Variants in EFCC1 observed in about 807,000 individuals in gnomAD.
EFCC1 encodes EF-hand and coiled-coil domain containing 1.
A neutral mutation model predicts 52.1 loss-of-function variants in EFCC1; 50 were observed. The observed-to-expected ratio is 0.96, with a 90% CI of 0.76 to 1.21. EFCC1 has a LOEUF of 1.21. Among genes scored for constraint, EFCC1 ranks in the 50% most tolerant of loss-of-function variants. The pLI is 0.00. For missense variants in EFCC1, 837 were observed against 867.3 expected (o/e 0.97, Z 0.44); for synonymous variants, 399 against 396.5 (o/e 1.01, Z -0.08).
rs1031255322 is a variant in EFCC1 at position 129,001,342 on chromosome 3, G to T, written c.-287G>T. ...GCCCCGTGAGTGAGGAGAGGAGAGC[G>T]TGGGAGTCACGCGGAGAAGCCAGAC... is the stretch of plus-strand genomic sequence containing the variant. On this transcript the variant is annotated 5_prime_UTR_variant, in exon 1 of 8. Coordinates refer to ENST00000683648, the MANE Select transcript of EFCC1 (RefSeq NM_001377500.1). Among the ~76,000 whole-genome samples, 2 of 152,204 alleles carry T rather than the reference G, an allele frequency of 1.3e-5. No homozygotes were observed. The highest frequency in any genetic ancestry group is 4.1e-4 in the South Asian group (2 of 4,834).
intron 1 of EFCC1, 60 bp downstream of exon 1, chr3:129,002,384 T>C: frequency 6.8e-7 from 1 of 1,477,996 alleles, no homozygotes; most frequent in Non-Finnish European, 8.9e-7. Flanking sequence ...AACTAAAAGC[T>C]GGCTGGCTGC....
Position 129,040,041 on chromosome 3 carries a change from C to A in EFCC1, c.*193C>A, listed in dbSNP as rs555426834. On this transcript the variant is annotated 3_prime_UTR_variant, in exon 8 of 8. Coordinates refer to ENST00000683648, the MANE Select transcript of EFCC1 (RefSeq NM_001377500.1). The surrounding 1 kb of genome is among the most constrained non-coding windows in gnomAD (Gnocchi z 4.4). ...CAGCACCTGGCAGCCACCCCTTCCT[C>A]GGGCTCCTCCACATTACCTCGCAGC... 2 of 623,268 alleles carry A rather than the reference C, an allele frequency of 3.2e-6. No homozygotes were observed. The highest frequency in any genetic ancestry group is 3.3e-5 in the East Asian group (1 of 30,322). 38.6% of individuals were successfully genotyped at this position (623,268 alleles called of 1,614,324 possible). A position where few individuals can be genotyped will look rare whatever the true frequency, so the allele number is the denominator to read the frequency against.
Position 129,022,794 on chromosome 3 carries a change from C to T in EFCC1, c.981-7909C>T, listed in dbSNP as rs192931339. On this transcript the variant is annotated intron_variant, in intron 2 of 7. Transcript: ENST00000683648. ...CTCACAGAAGGCCCCCAGACCATTTCCCCCATGGCTCCCGAAAGACAGTGG... is the reference window on the plus strand; with the variant it reads ...CTCACAGAAGGCCCCCAGACCATTTTCCCCATGGCTCCCGAAAGACAGTGG... Among the ~76,000 whole-genome samples, 46 of 152,326 alleles carry T rather than the reference C, an allele frequency of 3.0e-4. 1 individual carries two copies. The highest frequency in any genetic ancestry group is 9.7e-4 in the East Asian group (5 of 5,180).
In EFCC1 at chr3:129,001,841, C is replaced by G; in HGVS notation, c.213C>G (p.Ala71=). The G allele has an allele frequency of 6.5e-7, 1 of 1,545,720 alleles. No individual in the cohort carries two copies. The highest frequency in any genetic ancestry group is 8.7e-7 in the Non-Finnish European group (1 of 1,145,592). The change falls in exon 1 of 8, where the codon GCC becomes GCG. Residue 71 remains alanine, a synonymous_variant. Coordinates refer to ENST00000683648, the MANE Select transcript of EFCC1 (RefSeq NM_001377500.1). ...TCCACCACCTGGACTGCCGCGGCGC[C>G]GGCCGTCTGCCCCGCGCCGACTTCC... The part of the protein sequence containing the change: ...EVFHHLDCRG[A]GRLPRADFRA...
At chr3:129,027,324 G>A (rs1260765313) in intron 2 of EFCC1, among the ~76,000 whole-genome samples, 1 of 152,132 alleles carries the variant, frequency 6.6e-6, no homozygotes, top group East Asian at 1.9e-4. Context: ...AGGGGGCCCC[G>A]GCGCCCGTGC....
chr3:129,022,180 C>T (rs922703032), intron 2 of EFCC1, among the ~76,000 whole-genome samples: 2 of 152,196 alleles, frequency 1.3e-5, no homozygotes, highest in African/African-American at 4.8e-5. Context: ...GCAGGAGCTC[C>T]ACAAAGTTTA....
chr3:129,013,496 G>A (rs955006268), intron 2 of EFCC1, among the ~76,000 whole-genome samples: 1 of 152,128 alleles, frequency 6.6e-6, no homozygotes, highest in African/African-American at 2.4e-5. Flanking sequence ...CTTTCTCCTA[G>A]TTGGCTCTGA....
At chr3:129,025,131 T>G (rs1163664896) in intron 2 of EFCC1, among the ~76,000 whole-genome samples, 2 of 152,164 alleles carry the variant, frequency 1.3e-5, no homozygotes, top group African/African-American at 4.8e-5. Context: ...GAACTGGATC[T>G]GAGCCCGAGG....
At position 129,040,033 on chromosome 3, in the gene EFCC1, C is replaced by T. The variant is rs1946404520; in HGVS notation, c.*185C>T. The stretch of plus-strand genomic sequence containing the variant: ...TCCCATTGCAGCACCTGGCAGCCAC[C>T]CCTTCCTCGGGCTCCTCCACATTAC... On this transcript the variant is annotated 3_prime_UTR_variant, in exon 8 of 8. Transcript: ENST00000683648. The surrounding 1 kb of genome is among the most constrained non-coding windows in gnomAD (Gnocchi z 4.4). 1 of 696,594 alleles carries T rather than the reference C, an allele frequency of 1.4e-6. No homozygotes were observed. Among genetic ancestry groups the T allele is most frequent in the East Asian group, 3.3e-5 (1 of 30,610 alleles). 43.2% of individuals were successfully genotyped at this position (696,594 alleles called of 1,614,324 possible). A position where few individuals can be genotyped will look rare whatever the true frequency, so the allele number is the denominator to read the frequency against.
At chr3:129,034,871 T>C (rs553747456) in intron 5 of EFCC1, among the ~76,000 whole-genome samples, 1 of 152,024 alleles carries the variant, frequency 6.6e-6, no homozygotes, top group East Asian at 1.9e-4. Context: ...GTGGGGCGGG[T>C]TCAGTGATTG....
In EFCC1 at chr3:129,032,857, G is replaced by A. The variant is rs867227438; in HGVS notation, c.1177G>A (p.Ala393Thr). ...EQLFRSVEGQ[A>T]ASDEEEVEEE... ...GCTGTTCCGCTCCGTGGAGGGCCAGGCCGCCTCTGACGAGGAGGAGGTGGA... is the reference window on the plus strand; with the variant it reads ...GCTGTTCCGCTCCGTGGAGGGCCAGACCGCCTCTGACGAGGAGGAGGTGGA... Residue 393 changes from alanine (A) to threonine (T), a missense_variant, in exon 4 of 8, where the codon GCC (alanine) becomes ACC (threonine). Transcript: ENST00000683648. The A allele has an allele frequency of 4.5e-6, 7 of 1,551,380 alleles. No homozygotes were observed. In the African/African-American group the frequency reaches 9.6e-5, roughly 21 times the overall value.
chr3:129,022,369 C>T (rs992724917), intron 2 of EFCC1, among the ~76,000 whole-genome samples: 2 of 152,188 alleles, frequency 1.3e-5, no homozygotes, highest in Admixed American at 6.5e-5. Context: ...CCCAGGTTTG[C>T]GGCTCCTCAG....
chr3:129,036,844 G>T (rs559010554), intron 5 of EFCC1, 133 bp from the exon 6 acceptor site: 2 of 1,321,122 alleles, frequency 1.5e-6, no homozygotes, highest in Admixed American at 4.5e-5. Flanking sequence ...CCAACCCGCT[G>T]TGTGGCTTTA....
At chr3:129,031,160 T>C (rs1055495898) in intron 3 of EFCC1, among the ~76,000 whole-genome samples, 4 of 152,228 alleles carry the variant, frequency 2.6e-5, no homozygotes, top group African/African-American at 9.7e-5. Flanking sequence ...CTGGATGTGG[T>C]AGCTCACGCC....
In EFCC1 at chr3:129,002,334, G is replaced by C; in HGVS notation, c.696+10G>C. 6.6e-7 allele frequency: 1 copy of C among 1,512,220 alleles called. No homozygotes were observed. Among genetic ancestry groups the C allele is most frequent in the Middle Eastern group, 2.3e-4 (1 of 4,380 alleles). The allele number at this position is 1,512,220 out of a possible 1,614,324, so 93.7% of individuals were successfully genotyped here. A position where few individuals can be genotyped will look rare whatever the true frequency, so the allele number is the denominator to read the frequency against. On this transcript the variant is annotated intron_variant, in intron 1 of 7. Transcript: ENST00000683648. ...CTGCCTAGCACTGCAGGTGCGCGCCGGCCACGAAGGGAGGGTGGTAACGCC... is the reference window on the plus strand; with the variant it reads ...CTGCCTAGCACTGCAGGTGCGCGCCCGCCACGAAGGGAGGGTGGTAACGCC...
chr3:129,001,958 C>A lies in EFCC1; in HGVS notation c.330C>A (p.Pro110=), dbSNP rs897554213. ...AGDGNSRDVT[P]GDAAAELATD... is the part of the protein sequence containing the mutation. ...ACGGGAACTCCAGAGATGTGACCCC[C>A]GGGGATGCGGCCGCTGAGTTGGCCA... Residue 110 remains proline, a synonymous_variant, in exon 1 of 8, where the codon CCC becomes CCA. Transcript: ENST00000683648. 1 of 1,543,976 alleles carries A rather than the reference C, an allele frequency of 6.5e-7. No individual in the cohort carries two copies. Among genetic ancestry groups the A allele is most frequent in the Non-Finnish European group, 8.7e-7 (1 of 1,144,274 alleles).
At chr3:129,003,353 C>T in intron 1 of EFCC1, 1 of 898,140 alleles carries the variant, frequency 1.1e-6, no homozygotes, top group Non-Finnish European at 1.3e-6. Context: ...CCAGTAAAGA[C>T]AGATAGAAAC....
rs142339115 is a variant in EFCC1 at position 129,030,694 on chromosome 3, C to T, written c.981-9C>T. The T allele has an allele frequency of 1.7e-3, 2,573 of 1,550,502 alleles. 39 individuals carry two copies. In the African/African-American group the frequency reaches 0.029, roughly 17 times the overall value. On this transcript the variant is annotated splice_polypyrimidine_tract_variant and intron_variant, in intron 2 of 7. Transcript: ENST00000683648. ...CTCCTCAATGCCTGTGTCTCTCCCA[C>T]GGCTGCAGGTCAGAGGATTCCCAGC...
intron 1 of EFCC1, 32 bp downstream of exon 1, chr3:129,002,356 C>T (rs1372132768): frequency 6.7e-7 from 1 of 1,496,518 alleles, no homozygotes; most frequent in Non-Finnish European, 8.9e-7. Context: ...AGGGTGGTAA[C>T]GCCCGGGAGA....
Sources: allele counts gnomAD v4.1 joint callset (sites outside exome capture counted in the v4.1 genomes callset), GRCh38; gene constraint gnomAD v4.1.1; non-coding constraint Gnocchi (gnomAD v3.1); transcripts MANE v1.5; gene names NCBI Gene and HGNC (gene_info 2026-07-23, HGNC 2026-07-21).